The following PRKN variants were observed in gnomAD, a reference collection of about 807,000 sequenced individuals.
PRKN encodes E3 ubiquitin-protein ligase parkin.
In PRKN, 56 loss-of-function variants were observed where a neutral mutation model predicts 59.5. The observed-to-expected ratio is 0.94, with a 90% CI of 0.76 to 1.18. PRKN has a LOEUF of 1.18. Ranked by LOEUF, PRKN falls within the 50% of genes most tolerant of loss-of-function variation. The pLI is 0.00. For synonymous variants in PRKN, 250 were observed against 222.1 expected, an observed-to-expected ratio of 1.13 and a Z score of -1.12; for missense variants, 657 against 596.4, an observed-to-expected ratio of 1.10 and a Z score of -1.06.
chr6:162,375,823 A>G (rs1786039887), intron 2 of PRKN, among the ~76,000 whole-genome samples: 1 of 151,732 alleles, frequency 6.6e-6, no homozygotes, highest in Admixed American at 6.6e-5. Flanking sequence ...ATATTAACAT[A>G]TAACACATAT....
At chr6:162,297,281 C>T (rs866740371) in intron 2 of PRKN, among the ~76,000 whole-genome samples, 5 of 150,830 alleles carry the variant, frequency 3.3e-5, no homozygotes, top group Non-Finnish European at 7.4e-5. Context: ...AGCTCTGGGT[C>T]CTTTTCAACT....
intron 4 of PRKN, among the ~76,000 whole-genome samples, chr6:162,180,738 T>C (rs1276458715): frequency 1.3e-5 from 2 of 152,174 alleles, no homozygotes; most frequent in Non-Finnish European, 2.9e-5. Flanking sequence ...TTAACCAATA[T>C]ATACATAGCC....
intron 1 of PRKN, among the ~76,000 whole-genome samples, chr6:162,718,951 TAC>T (rs372374438): frequency 1.1e-4 from 16 of 150,548 alleles, no homozygotes; most frequent in South Asian, 6.3e-4. Context: ...CACACACACA[TAC>T]ACACACACAC....
chr6:162,471,506 T>C (rs767194880), intron 1 of PRKN, among the ~76,000 whole-genome samples: 1 of 152,232 alleles, frequency 6.6e-6, no homozygotes, highest in Non-Finnish European at 1.5e-5. Flanking sequence ...CTTTCCTTTC[T>C]AACCTGTGGC....
In PRKN at chr6:161,947,171, A is replaced by G. The variant is rs545654599; in HGVS notation, c.734+26131T>C. On this transcript the variant is annotated intron_variant, in intron 6 of 11. Coordinates refer to ENST00000366898, the MANE Select transcript of PRKN (RefSeq NM_004562.3). ...ATAAGCTATATATATATGCATGTAC[A>G]TACCTTTATAGATATTTTTACAGCC... Among the ~76,000 whole-genome samples the G allele has an allele frequency of 5.9e-5, 9 of 152,334 alleles. No individual in the cohort carries two copies. The South Asian group carries it at 1.9e-3, about 32-fold the overall frequency.
intron 1 of PRKN, among the ~76,000 whole-genome samples, chr6:162,698,741 G>A (rs1338761896): frequency 1.3e-5 from 2 of 152,158 alleles, no homozygotes; most frequent in African/African-American, 4.8e-5. Flanking sequence ...GTACCTTCAA[G>A]TAGTTGTTTT....
chr6:161,715,618 T>C (rs1253208969), intron 7 of PRKN, among the ~76,000 whole-genome samples: 1 of 152,180 alleles, frequency 6.6e-6, no homozygotes, highest in African/African-American at 2.4e-5. Flanking sequence ...CATTGTTCCT[T>C]CTTAAACATG....
In PRKN at chr6:162,079,934, T is replaced by C. The variant is rs564309671; in HGVS notation, c.535-25760A>G. Among the ~76,000 whole-genome samples the C allele has an allele frequency of 2.6e-5, 4 of 152,268 alleles. No homozygotes were observed. In the South Asian group the frequency reaches 8.3e-4, roughly 32 times the overall value. ...AATTCTCAACTTTCTCAAATATTCC[T>C]CACCTGCTCTGTGCTATTGCCTACT... is the stretch of plus-strand genomic sequence containing the variant. On this transcript the variant is annotated intron_variant, in intron 4 of 11. Transcript: ENST00000366898.
At position 161,762,551 on chromosome 6, in the gene PRKN, C is replaced by A. The variant is rs185898270; in HGVS notation, c.871+23221G>T. On this transcript the variant is annotated intron_variant, in intron 7 of 11. Coordinates refer to ENST00000366898, the MANE Select transcript of PRKN (RefSeq NM_004562.3). The stretch of plus-strand genomic sequence containing the variant: ...CTCTATGCCTGAACTAATATTGTAT[C>A]CACTGAACGTATTTACATTGTTTTG... Among the ~76,000 whole-genome samples the A allele has an allele frequency of 2.8e-3, 423 of 152,206 alleles. 2 individuals carry two copies. The highest frequency in any genetic ancestry group is 9.8e-3 in the African/African-American group (406 of 41,530).
Position 162,229,908 on chromosome 6 carries a change from C to T in PRKN, c.413-28656G>A, listed in dbSNP as rs189916045. Among the ~76,000 whole-genome samples the T allele has an allele frequency of 9.8e-4, 149 of 152,264 alleles. 3 individuals carry two copies. In the East Asian group the frequency reaches 0.021, roughly 21 times the overall value. On this transcript the variant is annotated intron_variant, in intron 3 of 11. Transcript: ENST00000366898. ...ATTACTTGCTTACTGGCCATCTTTC[C>T]CACTATAAGGTCAGCTCCATGAGGC...
In PRKN at chr6:161,828,615, T is replaced by C. The variant is rs146751959; in HGVS notation, c.735-42707A>G. ...TCACTGGCTGCCTCTCACTGTGCTG[T>C]GTTGAGAGAGGGCACTAAAGAATAT... On this transcript the variant is annotated intron_variant, in intron 6 of 11. Transcript: ENST00000366898. Among the ~76,000 whole-genome samples, 629 of 152,244 alleles carry C rather than the reference T, an allele frequency of 4.1e-3. 2 individuals carry two copies. Among genetic ancestry groups the C allele is most frequent in the Non-Finnish European group, 6.4e-3 (437 of 68,018 alleles).
chr6:161,849,149 C>T (rs1793320505), intron 6 of PRKN, among the ~76,000 whole-genome samples: 1 of 152,140 alleles, frequency 6.6e-6, no homozygotes, highest in Non-Finnish European at 1.5e-5. Flanking sequence ...CTCTCTACCT[C>T]CTCTTCCTTC....
intron 6 of PRKN, among the ~76,000 whole-genome samples, chr6:161,840,468 G>T (rs1421955167): frequency 6.6e-6 from 1 of 152,198 alleles, no homozygotes; most frequent in African/African-American, 2.4e-5. Flanking sequence ...AAGTTCAGGG[G>T]TACATGTGCA....
intron 7 of PRKN, among the ~76,000 whole-genome samples, chr6:161,738,563 C>T (rs1234887356): frequency 6.6e-6 from 1 of 152,192 alleles, no homozygotes; most frequent in Non-Finnish European, 1.5e-5. Context: ...GCACCACAGG[C>T]TCCCCGTGCC....
Position 161,548,697 on chromosome 6 carries a change from C to T in PRKN, c.1083+157G>A, listed in dbSNP as rs935244514. 17 of 715,462 alleles carry T rather than the reference C, an allele frequency of 2.4e-5. 1 individual carries two copies. Among genetic ancestry groups the T allele is most frequent in the Non-Finnish European group, 4.1e-5 (17 of 418,742 alleles). 44.3% of individuals were successfully genotyped at this position (715,462 alleles called of 1,614,324 possible). The stretch of plus-strand genomic sequence containing the variant: ...TACATAAATTTTCAAATCTGGAGTC[C>T]TATAAAGGAATTTAAAATCTATTTT... On this transcript the variant is annotated intron_variant, in intron 9 of 11. Coordinates refer to ENST00000366898, the MANE Select transcript of PRKN (RefSeq NM_004562.3). The surrounding 1 kb of genome is among the most constrained non-coding windows in gnomAD (Gnocchi z 4.2).
At chr6:161,643,053 C>G (rs147035257) in intron 7 of PRKN, among the ~76,000 whole-genome samples, 5 of 152,114 alleles carry the variant, frequency 3.3e-5, no homozygotes, top group Non-Finnish European at 7.4e-5. Context: ...GAATTGGTTT[C>G]GAGTTTTAGA....
At chr6:162,443,714 T>C (rs191778205) in intron 1 of PRKN, among the ~76,000 whole-genome samples, 4 of 152,280 alleles carry the variant, frequency 2.6e-5, no homozygotes, top group East Asian at 3.9e-4. Context: ...AAAATTGCAT[T>C]CTCCCTTTGA....
At chr6:161,972,120 C>G (rs985865430) in intron 6 of PRKN, among the ~76,000 whole-genome samples, 24 of 151,936 alleles carry the variant, frequency 1.6e-4, no homozygotes, top group African/African-American at 5.8e-4. Context: ...ACTAAAAATA[C>G]AAAATAAGCC....
In PRKN at chr6:161,582,065, C is replaced by T. The variant is rs956849518; in HGVS notation, c.872-12649G>A. Among the ~76,000 whole-genome samples the T allele has an allele frequency of 6.6e-6, 1 of 152,176 alleles. No homozygotes were observed. The highest frequency in any genetic ancestry group is 1.9e-4 in the East Asian group (1 of 5,184). The stretch of plus-strand genomic sequence containing the variant: ...CCAGCTCACCGTGCCCAGAGCTCCA[C>T]GCATGACTGAATGGTGAATTTGGAA... On this transcript the variant is annotated intron_variant, in intron 7 of 11. Coordinates refer to ENST00000366898, the MANE Select transcript of PRKN (RefSeq NM_004562.3). This position sits in a 1 kb window ranked among gnomAD's most constrained non-coding sequence, Gnocchi z 4.4.
Sources: allele counts gnomAD v4.1 joint callset (sites outside exome capture counted in the v4.1 genomes callset), GRCh38; gene constraint gnomAD v4.1.1; non-coding constraint Gnocchi (gnomAD v3.1); transcripts MANE v1.5; gene names NCBI Gene and HGNC (gene_info 2026-07-23, HGNC 2026-07-21).